Variants in FOXP4 observed in about 807,000 individuals in gnomAD.
The protein encoded by FOXP4 is forkhead box P4, also known as forkhead box protein P4.
A neutral mutation model predicts 82.6 loss-of-function variants in FOXP4; 25 were observed. That is an observed-to-expected ratio of 0.30 (90% CI 0.22 to 0.42). The LOEUF (loss-of-function observed/expected upper bound fraction) is 0.42, where lower values mean the gene tolerates loss of function less well. Ranked by LOEUF, FOXP4 falls within the 10% of genes least tolerant of loss-of-function variation. FOXP4 has a pLI of 1.00. For synonymous variants in FOXP4, 415 were observed against 388.2 expected (o/e 1.07, Z -0.81); for missense variants, 785 against 900.9 (o/e 0.87, Z 1.65).
chr6:41,583,078 T>C (rs1283878120), intron 3 of FOXP4, among the ~76,000 whole-genome samples: 1 of 152,204 alleles, frequency 6.6e-6, no homozygotes, highest in African/African-American at 2.4e-5. Flanking sequence ...CCCCACTGGC[T>C]TAGAGGTCTC....
chr6:41,585,419 C>T lies in FOXP4; in HGVS notation c.424-12C>T, dbSNP rs1487367451. The T allele has an allele frequency of 6.2e-7, 1 of 1,613,176 alleles. No homozygotes were observed. Among genetic ancestry groups the T allele is most frequent in the Non-Finnish European group, 8.5e-7 (1 of 1,179,494 alleles). ...GTACCCTGCCAGTGGTAACCCTCCT[C>T]CACCCCCCCAGCTACAGGAGTACTA... On this transcript the variant is annotated splice_polypyrimidine_tract_variant and intron_variant, in intron 4 of 16. Transcript: ENST00000307972.
chr6:41,559,609 G>A (rs1185094175), intron 1 of FOXP4, among the ~76,000 whole-genome samples: 1 of 152,210 alleles, frequency 6.6e-6, no homozygotes, highest in Non-Finnish European at 1.5e-5. Context: ...GGACACTGCT[G>A]CACTGCCTTG....
chr6:41,589,388 A>G (rs1287529731), intron 9 of FOXP4, among the ~76,000 whole-genome samples: 1 of 152,264 alleles, frequency 6.6e-6, no homozygotes, highest in Non-Finnish European at 1.5e-5. Flanking sequence ...CAGTTCCTGC[A>G]TCTGCATTCA....
chr6:41,569,685 G>A (rs1017615934), intron 2 of FOXP4, among the ~76,000 whole-genome samples: 1 of 152,212 alleles, frequency 6.6e-6, no homozygotes, highest in African/African-American at 2.4e-5. Context: ...CTGAGGCCAC[G>A]CTGAAAGGCG....
At chr6:41,547,197 G>T (rs1201067973) in intron 1 of FOXP4, among the ~76,000 whole-genome samples, 1 of 151,892 alleles carries the variant, frequency 6.6e-6, no homozygotes, top group Non-Finnish European at 1.5e-5. Flanking sequence ...GGGCGGGGAG[G>T]GGGGCGGCCG....
Position 41,593,559 on chromosome 6 carries a change from A to G in FOXP4, c.1537-1311A>G, listed in dbSNP as rs1469517915. On this transcript the variant is annotated intron_variant, in intron 13 of 16. Coordinates refer to ENST00000307972, the MANE Select transcript of FOXP4 (RefSeq NM_001012426.2). This position sits in a 1 kb window ranked among gnomAD's most constrained non-coding sequence, Gnocchi z 4.1. ...GAAATGAGGGAAAAAAGCCCCGGTG[A>G]GGCCATCCTCGGAAATTGGGGTCAT... is the stretch of plus-strand genomic sequence containing the variant. Among the ~76,000 whole-genome samples the G allele has an allele frequency of 6.6e-6, 1 of 152,234 alleles. No homozygotes were observed. Among genetic ancestry groups the G allele is most frequent in the Non-Finnish European group, 1.5e-5 (1 of 68,046 alleles).
chr6:41,590,029 G>C lies in FOXP4; in HGVS notation c.1216G>C (p.Asp406His). The change falls in exon 11 of 17, where the codon GAT becomes CAT. Residue 406 changes from aspartate (D) to histidine (H), a missense_variant. Transcript: ENST00000307972. ...VTVSAADSFPDGLVHPPTSAA... is the reference protein window; with the variant it reads ...VTVSAADSFPHGLVHPPTSAA... The stretch of plus-strand genomic sequence containing the variant: ...CGTCTCTGCAGCAGACTCATTCCCA[G>C]ATGGTCTCGTGCACCCCCCGACCTC... 1 of 1,613,816 alleles carries C rather than the reference G, an allele frequency of 6.2e-7. No individual in the cohort carries two copies. The highest frequency in any genetic ancestry group is 2.2e-5 in the East Asian group (1 of 44,884).
intron 8 of FOXP4, among the ~76,000 whole-genome samples, 180 bp downstream of exon 8, chr6:41,588,077 C>T (rs1766264850): frequency 1.3e-5 from 2 of 152,182 alleles, no homozygotes; most frequent in Non-Finnish European, 2.9e-5. Context: ...CCACTCCCTA[C>T]CCTGTCTATA....
Position 41,587,758 on chromosome 6 carries a change from G to A in FOXP4, c.873-35G>A, listed in dbSNP as rs948596425. On this transcript the variant is annotated intron_variant, in intron 7 of 16. Transcript: ENST00000307972. ...CTACAGGGCCGCTGGGGTCTTCAGG[G>A]TCCCTGATCGGCCACCTCCCTGCTG... 4.9e-6 allele frequency: 7 copies of A among 1,423,360 alleles called. No individual in the cohort carries two copies. In the African/African-American group the frequency reaches 9.9e-5, roughly 20 times the overall value. 88.2% of individuals were successfully genotyped at this position (1,423,360 alleles called of 1,614,324 possible).
At chr6:41,584,673 T>A in intron 3 of FOXP4, 96 bp from the exon 4 acceptor site, 1 of 1,416,744 alleles carries the variant, frequency 7.1e-7, no homozygotes, top group Non-Finnish European at 9.4e-7. Flanking sequence ...GCAGCCTCCC[T>A]GGGAGCCACT....
At position 41,598,931 on chromosome 6, in the gene FOXP4, TC is replaced by T. The variant is rs1767056307; in HGVS notation, c.2040del (p.Ter681LysfsTer4). On this transcript the variant is annotated frameshift_variant, in exon 17 of 17. Transcript: ENST00000307972. LOFTEE classifies it high-confidence loss of function. Reference protein sequence around the residue: ...LEEELPGEELS With the variant: ...LEEELPGEELX ...GGAGGAGCTGCCGGGAGAAGAACTG[TC>T]CTAAGGGCCTGTAGTGACCGGCAGG... 1 of 1,605,382 alleles carries T rather than the reference TC, an allele frequency of 6.2e-7. No individual in the cohort carries two copies. The highest frequency in any genetic ancestry group is 2.2e-5 in the East Asian group (1 of 44,614).
At chr6:41,594,790 A>T in intron 13 of FOXP4, 80 bp from the exon 14 acceptor site, 1 of 1,583,458 alleles carries the variant, frequency 6.3e-7, no homozygotes, top group Non-Finnish European at 8.6e-7. Context: ...GCTGCGTGGG[A>T]CATGGGATGG....
chr6:41,588,571 A>G, intron 8 of FOXP4, 73 bp from the exon 9 acceptor site: 1 of 1,435,754 alleles, frequency 7.0e-7, no homozygotes, highest in Non-Finnish European at 9.8e-7. Flanking sequence ...GTGGGATTAG[A>G]GGATAGGATG....
chr6:41,546,940 C>T (rs917654987), intron 1 of FOXP4, 73 bp downstream of exon 1: 1 of 151,222 alleles, frequency 6.6e-6, no homozygotes, highest in South Asian at 2.1e-4. Flanking sequence ...CTCGCTCGCG[C>T]ACTCTCTCGC....
intron 16 of FOXP4, among the ~76,000 whole-genome samples, chr6:41,598,437 C>T (rs891138657): frequency 2.6e-5 from 4 of 152,078 alleles, no homozygotes; most frequent in African/African-American, 4.8e-5. Flanking sequence ...AGGCTGGTCT[C>T]GACCTCCTGA....
intron 2 of FOXP4, among the ~76,000 whole-genome samples, chr6:41,575,025 G>A (rs947073965): frequency 6.6e-6 from 1 of 152,162 alleles, no homozygotes; most frequent in Non-Finnish European, 1.5e-5. Flanking sequence ...CTGGAGTGCA[G>A]TGGTGCCACC....
rs186328187 is a variant in FOXP4, at chr6:41,555,581, C to T, written c.-17+8714C>T. Among the ~76,000 whole-genome samples, 179 of 152,364 alleles carry T rather than the reference C, an allele frequency of 1.2e-3. No homozygotes were observed. The East Asian group carries it at 0.033, about 28-fold the overall frequency. On this transcript the variant is annotated intron_variant, in intron 1 of 16. Transcript: ENST00000307972. ...CTGGTGCCAAAGGCACCACCAGAAC[C>T]AGGCTCCAGATGGCCATTCAGGCCC...
At chr6:41,556,444 C>G (rs1764281055) in intron 1 of FOXP4, among the ~76,000 whole-genome samples, 1 of 151,540 alleles carries the variant, frequency 6.6e-6, no homozygotes, top group Admixed American at 6.6e-5. Context: ...CTGCCTCAGT[C>G]TCCTGAGTAG....
intron 2 of FOXP4, 50 bp from the exon 3 acceptor site, chr6:41,577,936 G>T: frequency 7.0e-7 from 1 of 1,429,868 alleles, no homozygotes; most frequent in Non-Finnish European, 9.7e-7. Flanking sequence ...CTAATCCCTG[G>T]ATCCCACCCA....
Sources: gnomAD v4.1 joint callset for allele counts (sites outside exome capture counted in the v4.1 genomes callset) on GRCh38, gnomAD v4.1.1 for gene constraint, Gnocchi (gnomAD v3.1) non-coding constraint, MANE v1.5 for transcripts, NCBI Gene and HGNC (gene_info 2026-07-23, HGNC 2026-07-21) for gene names.